SMYD4: variants seen among roughly 807,000 people sequenced by gnomAD.
The protein encoded by SMYD4 is SET and MYND domain containing 4.
Under a neutral mutation model 72.8 loss-of-function variants are expected in SMYD4, and 68 were observed. The observed-to-expected ratio is 0.93, with a 90% CI of 0.77 to 1.14. The LOEUF (loss-of-function observed/expected upper bound fraction) is 1.14. Among genes scored for constraint, SMYD4 ranks in the 50% most tolerant of loss-of-function variants. The pLI is 0.00. For synonymous variants in SMYD4, 407 were observed against 388.6 expected (o/e 1.05, Z -0.56); for missense variants, 984 against 1,003.7 (o/e 0.98, Z 0.27).
chr17:1,818,787 C>T (rs1410111815), intron 2 of SMYD4, among the ~76,000 whole-genome samples: 3 of 151,738 alleles, frequency 2.0e-5, no homozygotes, highest in Admixed American at 6.6e-5. Flanking sequence ...ACTATAGGCA[C>T]GTACTATCAT....
intron 3 of SMYD4, among the ~76,000 whole-genome samples, chr17:1,809,655 G>A (rs1446934270): frequency 8.1e-4 from 121 of 149,854 alleles, no homozygotes; most frequent in Non-Finnish European, 1.4e-3. Flanking sequence ...GATTATAGGC[G>A]TGAGCCACCG....
intron 5 of SMYD4, among the ~76,000 whole-genome samples, chr17:1,789,413 G>C (rs780909081): frequency 1.3e-5 from 2 of 151,484 alleles, no homozygotes; most frequent in Non-Finnish European, 2.9e-5. Context: ...ATTCACCAAA[G>C]AAATAGTCTA....
intron 4 of SMYD4, among the ~76,000 whole-genome samples, chr17:1,803,935 G>A (rs8081923): frequency 0.13 from 19,516 of 151,016 alleles, 1,550 homozygotes; most frequent in African/African-American, 0.22. Flanking sequence ...GAGTGCAGTG[G>A]TGCGATCTGG....
At chr17:1,789,782 T>G (rs1908924547) in intron 5 of SMYD4, among the ~76,000 whole-genome samples, 1 of 99,548 alleles carries the variant, frequency 1.0e-5, no homozygotes, top group Non-Finnish European at 2.6e-5. Flanking sequence ...AAAAAAAAGT[T>G]TTATAAAGGA....
chr17:1,795,633 G>C (rs192197873), intron 5 of SMYD4, among the ~76,000 whole-genome samples: 235 of 151,970 alleles, frequency 1.5e-3, no homozygotes, highest in Middle Eastern at 6.9e-3. Flanking sequence ...AATAGAGACG[G>C]GTTTCACCAT....
At chr17:1,784,959 T>A (rs1372280767) in intron 7 of SMYD4, among the ~76,000 whole-genome samples, 1 of 149,056 alleles carries the variant, frequency 6.7e-6, no homozygotes, top group Non-Finnish European at 1.5e-5. Flanking sequence ...GTTATTTATT[T>A]TTTTTTTTTA....
In SMYD4 at chr17:1,787,512, G is replaced by T; in HGVS notation, c.1630C>A (p.Pro544Thr). The T allele has an allele frequency of 6.3e-7, 1 of 1,587,140 alleles. No individual in the cohort carries two copies. The highest frequency in any genetic ancestry group is 2.3e-5 in the East Asian group (1 of 43,886). Residue 544 changes from proline (P) to threonine (T), a missense_variant, in exon 6 of 11, where the codon CCC becomes ACC. Coordinates refer to ENST00000305513, the MANE Select transcript of SMYD4 (RefSeq NM_052928.3). ...CTAATGAAGGACACGCTGGTGTTGGGGCTACAGGAGTGGTTCAGGAGGCTG... is the reference window on the plus strand; with the variant it reads ...CTAATGAAGGACACGCTGGTGTTGGTGCTACAGGAGTGGTTCAGGAGGCTG... Reference protein sequence around the residue: ...VISLLNHSCSPNTSVSFISTV... With the variant: ...VISLLNHSCSTNTSVSFISTV...
chr17:1,820,650 G>A (rs1281381491), intron 2 of SMYD4, among the ~76,000 whole-genome samples: 2 of 152,178 alleles, frequency 1.3e-5, no homozygotes, highest in Non-Finnish European at 2.9e-5. Flanking sequence ...CAATAAGCCT[G>A]TGAATGTGGA....
chr17:1,789,153 C>G (rs150151323), intron 5 of SMYD4, among the ~76,000 whole-genome samples: 1 of 151,910 alleles, frequency 6.6e-6, no homozygotes, highest in Non-Finnish European at 1.5e-5. Flanking sequence ...TTTGGGAGGC[C>G]GAGGCGGGTG....
intron 2 of SMYD4, among the ~76,000 whole-genome samples, chr17:1,818,161 T>C (rs924244955): frequency 2.0e-5 from 3 of 152,136 alleles, no homozygotes; most frequent in Non-Finnish European, 4.4e-5. Flanking sequence ...TGCATGTAGC[T>C]TGTCATTAGG....
intron 3 of SMYD4, among the ~76,000 whole-genome samples, chr17:1,805,395 T>C: frequency 6.6e-6 from 1 of 151,772 alleles, no homozygotes; most frequent in East Asian, 1.9e-4. Context: ...AGTGACAGAG[T>C]TGGACTGTCA....
chr17:1,783,468 C>G lies in SMYD4; in HGVS notation c.2029G>C (p.Val677Leu), dbSNP rs976824384. 1.2e-6 allele frequency: 2 copies of G among 1,608,128 alleles called. No individual in the cohort carries two copies. The highest frequency in any genetic ancestry group is 1.7e-5 in the Admixed American group (1 of 58,868). ...CGCTGGCACCCCGACAGCCGCTGAA[C>G]AGCTCGCTCTGTCAATGCAGAGGAA... ...LLRDGELERAVQRLSGCQRDA... is the reference protein window; with the variant it reads ...LLRDGELERALQRLSGCQRDA... Residue 677 changes from valine to leucine, a missense_variant, in exon 9 of 11, where the codon GTT (valine) becomes CTT (leucine). Val to Leu is a conservative substitution (Grantham distance 32). Coordinates refer to ENST00000305513, the MANE Select transcript of SMYD4 (RefSeq NM_052928.3).
intron 1 of SMYD4, among the ~76,000 whole-genome samples, chr17:1,828,659 A>G (rs1283386168): frequency 1.4e-5 from 2 of 145,972 alleles, no homozygotes; most frequent in Non-Finnish European, 3.0e-5. Context: ...GTGCAGTGGC[A>G]CCATCTCGGC....
chr17:1,785,439 GAAAAAA>G (rs56261871), intron 7 of SMYD4, among the ~76,000 whole-genome samples: 1 of 124,554 alleles, frequency 8.0e-6, no homozygotes, highest in South Asian at 2.7e-4. Context: ...AAAAGAAAAA[GAAAAAA>G]AAAAAAAAAA....
chr17:1,790,245 A>T (rs1427359127), intron 5 of SMYD4, among the ~76,000 whole-genome samples: 5 of 152,358 alleles, frequency 3.3e-5, no homozygotes, highest in Non-Finnish European at 7.3e-5. Context: ...TGAATTATTT[A>T]TAGATTACCC....
At chr17:1,789,348 C>T (rs1300780722) in intron 5 of SMYD4, among the ~76,000 whole-genome samples, 1 of 152,138 alleles carries the variant, frequency 6.6e-6, no homozygotes, top group Non-Finnish European at 1.5e-5. Context: ...GATCACACTG[C>T]TGCACTCCAG....
intron 5 of SMYD4, among the ~76,000 whole-genome samples, chr17:1,795,755 T>TTTTTTTG (rs1909375377): frequency 6.6e-6 from 1 of 151,028 alleles, no homozygotes; most frequent in African/African-American, 2.4e-5. Flanking sequence ...GAGTTTTTTT[T>TTTTTTTG]TTTTTTTTTT....
At chr17:1,798,896 C>CA (rs11456527) in intron 5 of SMYD4, among the ~76,000 whole-genome samples, 53,472 of 147,990 alleles carry the variant, frequency 0.36, 10,904 homozygotes, top group African/African-American at 0.57. Context: ...GACTCTGTCT[C>CA]AAAAAAAAAA....
chr17:1,793,704 C>A (rs988591821), intron 5 of SMYD4, among the ~76,000 whole-genome samples: 1 of 151,958 alleles, frequency 6.6e-6, no homozygotes, highest in Non-Finnish European at 1.5e-5. Flanking sequence ...ATGGGAGAAA[C>A]TGTGGTCATG....
Sources: gnomAD v4.1 joint callset for allele counts (sites outside exome capture counted in the v4.1 genomes callset) on GRCh38, gnomAD v4.1.1 for gene constraint, MANE v1.5 for transcripts, NCBI Gene and HGNC (gene_info 2026-07-23, HGNC 2026-07-21) for gene names.